Variants in GRIK1 observed in about 807,000 individuals in gnomAD.
GRIK1 encodes the protein glutamate receptor ionotropic, kainate 1.
A neutral mutation model predicts 105.7 loss-of-function variants in GRIK1; 69 were observed. The ratio of observed to expected loss-of-function variants is 0.65; its 90% CI spans 0.54 to 0.80. The LOEUF (loss-of-function observed/expected upper bound fraction) is 0.80. GRIK1 is among the 30% of genes least tolerant of loss of function. The pLI is 0.00. For synonymous variants in GRIK1, 438 were observed against 431.3 expected (o/e 1.02, Z -0.19); for missense variants, 1,109 against 1,167.3 (o/e 0.95, Z 0.73).
chr21:29,600,139 G>C (rs1183187093), intron 7 of GRIK1, among the ~76,000 whole-genome samples: 1 of 152,174 alleles, frequency 6.6e-6, no homozygotes, highest in African/African-American at 2.4e-5. Context: ...AAAGACACTT[G>C]TGATTGTAAA....
At chr21:29,622,539 G>C (rs74903115) in intron 7 of GRIK1, among the ~76,000 whole-genome samples, 3,024 of 152,274 alleles carry the variant, frequency 0.02, 38 homozygotes, top group South Asian at 0.035. Context: ...AGAGCCTGCT[G>C]GTTCTGAGAT....
intron 1 of GRIK1, among the ~76,000 whole-genome samples, chr21:29,713,319 A>G (rs536721038): frequency 6.6e-6 from 1 of 152,258 alleles, no homozygotes; most frequent in African/African-American, 2.4e-5. Flanking sequence ...TATTTAGTTT[A>G]AACTAATTTG....
At chr21:29,570,665 T>A (rs984808280) in intron 14 of GRIK1, among the ~76,000 whole-genome samples, 1 of 152,208 alleles carries the variant, frequency 6.6e-6, no homozygotes, top group Admixed American at 6.5e-5. Flanking sequence ...TTGATAAATG[T>A]TCTGCCTCCC....
At chr21:29,656,018 A>C (rs2062840369) in intron 4 of GRIK1, among the ~76,000 whole-genome samples, 1 of 152,276 alleles carries the variant, frequency 6.6e-6, no homozygotes, top group African/African-American at 2.4e-5. Flanking sequence ...GATTACCAAA[A>C]TAACTATTTG....
chr21:29,740,544 CCCCAT>C (rs1375999757), intron 1 of GRIK1, among the ~76,000 whole-genome samples: 1 of 152,086 alleles, frequency 6.6e-6, no homozygotes, highest in Non-Finnish European at 1.5e-5. Context: ...CTCACAACCA[CCCCAT>C]GAGGCAGCTC....
At chr21:29,896,435 C>A (rs1028621258) in intron 1 of GRIK1, among the ~76,000 whole-genome samples, 1 of 152,098 alleles carries the variant, frequency 6.6e-6, no homozygotes, top group African/African-American at 2.4e-5. Flanking sequence ...AAAAGGAAAA[C>A]AAGTTCTTTG....
intron 1 of GRIK1, among the ~76,000 whole-genome samples, chr21:29,836,699 A>G (rs1284767291): frequency 1.3e-5 from 2 of 152,198 alleles, no homozygotes; most frequent in African/African-American, 2.4e-5. Flanking sequence ...AGACACTATC[A>G]TAAGCCCACA....
rs1601450216 is a variant in GRIK1, at chr21:29,686,263, T to C, written c.544+3465A>G. 2.0e-5 allele frequency among the ~76,000 whole-genome samples: 3 copies of C among 152,358 alleles called. No homozygotes were observed. The South Asian group carries it at 6.2e-4, about 32-fold the overall frequency. On this transcript the variant is annotated intron_variant, in intron 3 of 17. Transcript: ENST00000327783. ...GTTATAGGAATGTCAGTTGTGATTG[T>C]TATGATGGGTGAGGAAAGGTATCTG...
intron 7 of GRIK1, among the ~76,000 whole-genome samples, chr21:29,610,994 G>A (rs2061718975): frequency 6.6e-6 from 1 of 152,042 alleles, no homozygotes; most frequent in Non-Finnish European, 1.5e-5. Context: ...TAAGCACAAT[G>A]ACATCAGACT....
At chr21:29,718,441 T>G (rs2146845603) in intron 1 of GRIK1, among the ~76,000 whole-genome samples, 1 of 152,336 alleles carries the variant, frequency 6.6e-6, no homozygotes, top group Non-Finnish European at 1.5e-5. Flanking sequence ...CTCACAAACC[T>G]GGTTTCCTTG....
chr21:29,643,547 G>A (rs1161113106), intron 6 of GRIK1, among the ~76,000 whole-genome samples: 2 of 152,226 alleles, frequency 1.3e-5, no homozygotes, highest in Non-Finnish European at 2.9e-5. Context: ...GGGCAGACAA[G>A]TGCAGCTTGC....
rs572245495 is a variant in GRIK1 at position 29,709,100 on chromosome 21, AAT to A, written c.119-15039_119-15038del. On this transcript the variant is annotated intron_variant, in intron 1 of 17. Coordinates refer to ENST00000327783, the MANE Select transcript of GRIK1 (RefSeq NM_001330994.2). ...TACACCTACACACATATATGTCTATAATTTCTTACTGATCTGTTATACCACCT... is the reference window on the plus strand; with the variant it reads ...TACACCTACACACATATATGTCTATATTCTTACTGATCTGTTATACCACCT... Among the ~76,000 whole-genome samples, 592 of 152,162 alleles carry A rather than the reference AAT, an allele frequency of 3.9e-3. 2 individuals carry two copies. The highest frequency in any genetic ancestry group is 0.014 in the African/African-American group (563 of 41,524).
At chr21:29,681,816 T>G (rs560568182) in intron 3 of GRIK1, among the ~76,000 whole-genome samples, 1 of 152,340 alleles carries the variant, frequency 6.6e-6, no homozygotes, top group African/African-American at 2.4e-5. Context: ...CAATATTTAT[T>G]GGCATATCCA....
intron 1 of GRIK1, among the ~76,000 whole-genome samples, chr21:29,773,598 C>T (rs1044008158): frequency 6.6e-6 from 1 of 152,074 alleles, no homozygotes; most frequent in African/African-American, 2.4e-5. Context: ...TAGATCATCC[C>T]GCTTGGATTC....
intron 6 of GRIK1, among the ~76,000 whole-genome samples, chr21:29,650,757 G>C (rs1159546759): frequency 2.6e-5 from 4 of 152,184 alleles, no homozygotes; most frequent in Non-Finnish European, 5.9e-5. Flanking sequence ...ACACAAATCG[G>C]TTCTGCAAAA....
At chr21:29,919,567 C>T (rs2071122632) in intron 1 of GRIK1, among the ~76,000 whole-genome samples, 2 of 152,124 alleles carry the variant, frequency 1.3e-5, no homozygotes, top group Admixed American at 1.3e-4. Context: ...TCAAGGCTTT[C>T]TTTGTCTTAA....
intron 1 of GRIK1, among the ~76,000 whole-genome samples, chr21:29,750,499 C>G (rs969641175): frequency 6.6e-6 from 1 of 152,118 alleles, no homozygotes; most frequent in Non-Finnish European, 1.5e-5. Flanking sequence ...CTCAGAATCA[C>G]GCTGACATTT....
intron 4 of GRIK1, among the ~76,000 whole-genome samples, chr21:29,671,219 T>C (rs1401768542): frequency 6.6e-6 from 1 of 151,952 alleles, no homozygotes; most frequent in East Asian, 1.9e-4. Flanking sequence ...ACCTCCCAGG[T>C]TCAAGTGATT....
intron 4 of GRIK1, among the ~76,000 whole-genome samples, chr21:29,658,649 C>A (rs1222599382): frequency 6.6e-6 from 1 of 152,282 alleles, no homozygotes; most frequent in Middle Eastern, 3.4e-3. Context: ...AACAACCCAG[C>A]CCTTTTGTTA....
Sources: gnomAD v4.1 joint callset for allele counts (sites outside exome capture counted in the v4.1 genomes callset) on GRCh38, gnomAD v4.1.1 for gene constraint, MANE v1.5 for transcripts, NCBI Gene and HGNC (gene_info 2026-07-23, HGNC 2026-07-21) for gene names.